CHD1: variants seen among roughly 807,000 people sequenced by gnomAD.
CHD1 encodes chromodomain helicase DNA binding protein 1.
Under a neutral mutation model 224.2 loss-of-function variants are expected in CHD1, and 36 were observed. The observed-to-expected ratio is 0.16, with a 90% CI of 0.12 to 0.21. The LOEUF (loss-of-function observed/expected upper bound fraction) is 0.21, where lower values mean the gene tolerates loss of function less well. Ranked by LOEUF, CHD1 falls within the 10% of genes least tolerant of loss-of-function variation. The pLI, the probability that CHD1 is intolerant of heterozygous loss-of-function variation, is 1.00. For missense variants in CHD1, 1,378 were observed against 1,994.8 expected (o/e 0.69, Z 5.89); for synonymous variants, 668 against 658.3 (o/e 1.01, Z -0.23).
intron 2 of CHD1, among the ~76,000 whole-genome samples, chr5:98,923,193 A>G (rs1753219534): frequency 6.6e-6 from 1 of 152,176 alleles, no homozygotes; most frequent in Non-Finnish European, 1.5e-5. Context: ...AGCATAGTAT[A>G]GCAGCGGTAA....
chr5:98,857,342 ACAC>A lies in CHD1; in HGVS notation c.4788-620_4788-618del, dbSNP rs1446979912. 7.2e-5 allele frequency among the ~76,000 whole-genome samples: 11 copies of A among 152,102 alleles called. No individual in the cohort carries two copies. The East Asian group carries it at 2.1e-3, about 29-fold the overall frequency. The stretch of plus-strand genomic sequence containing the variant: ...GAGTGCCTTTTCCAAACTGACACAC[ACAC>A]AACTGTAACTATATTGCATAAGCCT... On this transcript the variant is annotated intron_variant, in intron 35 of 35. Coordinates refer to ENST00000614616, the MANE Select transcript of CHD1 (RefSeq NM_001270.4).
At chr5:98,866,561 G>C (rs1748885028) in intron 31 of CHD1, among the ~76,000 whole-genome samples, 1 of 152,064 alleles carries the variant, frequency 6.6e-6, no homozygotes, top group Admixed American at 6.6e-5. Flanking sequence ...TTCCCTCTTT[G>C]AAGTATAGCA....
chr5:98,906,951 G>A (rs1561535474), intron 2 of CHD1, among the ~76,000 whole-genome samples: 1 of 152,200 alleles, frequency 6.6e-6, no homozygotes, highest in Non-Finnish European at 1.5e-5. Context: ...ATACCTAGCA[G>A]AGTGCCTCAC....
rs191900126 is a variant in CHD1, at chr5:98,911,660, A to G, written c.54-6562T>C. Among the ~76,000 whole-genome samples, 37 of 152,340 alleles carry G rather than the reference A, an allele frequency of 2.4e-4. No homozygotes were observed. The South Asian group carries it at 3.9e-3, about 16-fold the overall frequency. ...GTGAGCTCCAGCTGTGAAACACTTT[A>G]GAAGATATATCATTACCAACACGGT... On this transcript the variant is annotated intron_variant, in intron 2 of 35. Coordinates refer to ENST00000614616, the MANE Select transcript of CHD1 (RefSeq NM_001270.4).
At chr5:98,897,146 A>G in intron 11 of CHD1, 47 bp downstream of exon 11, 1 of 1,568,488 alleles carries the variant, frequency 6.4e-7, no homozygotes, top group East Asian at 2.3e-5. Context: ...CTGTATTGGT[A>G]AATTCTTACT....
At chr5:98,900,441 CTTTT>C (rs766270530) in intron 7 of CHD1, among the ~76,000 whole-genome samples, 7 of 140,968 alleles carry the variant, frequency 5.0e-5, no homozygotes, top group Non-Finnish European at 7.8e-5. Context: ...AATACTTTAC[CTTTT>C]TTTTTTTTTT....
intron 13 of CHD1, 26 bp downstream of exon 13, chr5:98,894,571 A>G (rs758474979): frequency 1.0e-6 from 1 of 959,886 alleles, no homozygotes; most frequent in Non-Finnish European, 1.6e-6. Context: ...ACAAGAGACC[A>G]AAACACGTGA....
intron 30 of CHD1, chr5:98,868,861 C>CA: frequency 1.9e-6 from 1 of 538,228 alleles, no homozygotes; most frequent in Non-Finnish European, 2.8e-6. Context: ...AAAGAGTGTT[C>CA]AGACCTACTA....
intron 7 of CHD1, among the ~76,000 whole-genome samples, chr5:98,900,441 C>CT (rs766270530): frequency 3.6e-3 from 502 of 140,948 alleles, no homozygotes; most frequent in African/African-American, 6.6e-3. Flanking sequence ...AATACTTTAC[C>CT]TTTTTTTTTT....
chr5:98,875,715 T>C (rs1426336023), intron 24 of CHD1, among the ~76,000 whole-genome samples: 7 of 152,124 alleles, frequency 4.6e-5, no homozygotes, highest in African/African-American at 1.7e-4. Context: ...GTAGAAAGAA[T>C]AAGGAAGAAT....
At chr5:98,911,146 A>AAAATATATATATATATATATAT (rs1491111295) in intron 2 of CHD1, among the ~76,000 whole-genome samples, 2 of 39,126 alleles carry the variant, frequency 5.1e-5, no homozygotes, top group African/African-American at 1.2e-4. Context: ...AAAAAAAAAA[A>AAAATATATATATATATATATAT]ATATATATAT....
In CHD1 at chr5:98,928,944, C is replaced by A; in HGVS notation, c.-554G>T. ...CCGCCGCCGCCACCGAGGTCGCCGT[C>A]GCCTCCGCCTCCCGCGCGACGTAAG... On this transcript the variant is annotated 5_prime_UTR_variant, in exon 1 of 36. Coordinates refer to ENST00000614616, the MANE Select transcript of CHD1 (RefSeq NM_001270.4). The A allele has an allele frequency of 6.5e-6, 1 of 153,670 alleles. No homozygotes were observed. Among genetic ancestry groups the A allele is most frequent in the South Asian group, 1.8e-4 (1 of 5,574 alleles). The allele number at this position is 153,670 out of a possible 1,614,324, so 9.5% of individuals were successfully genotyped here.
chr5:98,894,520 C>A, intron 13 of CHD1, 77 bp downstream of exon 13: 1 of 490,660 alleles, frequency 2.0e-6, no homozygotes, highest in Admixed American at 3.7e-5. Flanking sequence ...AGGCTATTCT[C>A]TCATCTTGTC....
At chr5:98,907,683 A>C (rs757499440) in intron 2 of CHD1, among the ~76,000 whole-genome samples, 1 of 152,044 alleles carries the variant, frequency 6.6e-6, no homozygotes, top group Non-Finnish European at 1.5e-5. Context: ...AAAGATACCA[A>C]ATGTTTATAG....
intron 31 of CHD1, among the ~76,000 whole-genome samples, chr5:98,867,976 T>G (rs1749025082): frequency 1.3e-5 from 2 of 151,616 alleles, no homozygotes; most frequent in South Asian, 4.2e-4. Flanking sequence ...TTAATTTTTG[T>G]TTTTTTTCTT....
intron 27 of CHD1, 70 bp from the exon 28 acceptor site, chr5:98,872,271 G>A (rs926153202): frequency 2.4e-5 from 36 of 1,516,556 alleles, no homozygotes; most frequent in South Asian, 2.2e-4. Context: ...TTTGAAAAAC[G>A]TGAGTCATTA....
intron 2 of CHD1, among the ~76,000 whole-genome samples, chr5:98,921,298 C>G (rs1178334841): frequency 6.6e-6 from 1 of 152,172 alleles, no homozygotes; most frequent in Non-Finnish European, 1.5e-5. Context: ...GCTCAAGACA[C>G]AATTAATTGG....
chr5:98,854,067 AAACAT>A lies in CHD1; in HGVS notation c.*2308_*2312del, dbSNP rs751985181. The A allele has an allele frequency of 6.6e-6, 1 of 152,044 alleles. No homozygotes were observed. 9.4% of individuals were successfully genotyped at this position (152,044 alleles called of 1,614,324 possible). Reference sequence around the variant, plus strand: ...CATAATCTCTCACCCTTGAAAAATTAAACATAACTGGATAAAAATAACAAAGCAGA... The same window carrying A: ...CATAATCTCTCACCCTTGAAAAATTAAACTGGATAAAAATAACAAAGCAGA... On this transcript the variant is annotated 3_prime_UTR_variant, in exon 36 of 36. Coordinates refer to ENST00000614616, the MANE Select transcript of CHD1 (RefSeq NM_001270.4).
chr5:98,882,194 C>G (rs1057469028), intron 19 of CHD1, 71 bp from the exon 20 acceptor site: 1 of 1,262,204 alleles, frequency 7.9e-7, no homozygotes, highest in East Asian at 2.4e-5. Context: ...AGTGCCTAAA[C>G]ACTGGCACAC....
Sources: allele counts gnomAD v4.1 joint callset (sites outside exome capture counted in the v4.1 genomes callset), GRCh38; gene constraint gnomAD v4.1.1; transcripts MANE v1.5; gene names NCBI Gene and HGNC (gene_info 2026-07-23, HGNC 2026-07-21).